INCENP: variants seen among roughly 807,000 people sequenced by gnomAD.
INCENP encodes inner centromere protein.
INCENP carries 43 observed loss-of-function variants against 107.3 expected under a neutral mutation model. The observed-to-expected ratio is 0.40, with a 90% CI of 0.31 to 0.52. The LOEUF (loss-of-function observed/expected upper bound fraction) is 0.52. INCENP is among the 20% of genes least tolerant of loss of function. The pLI is 0.53. For synonymous variants in INCENP, 488 were observed against 494.4 expected, an observed-to-expected ratio of 0.99 and a Z score of 0.17; for missense variants, 1,089 against 1,250.9, an observed-to-expected ratio of 0.87 and a Z score of 1.95.
chr11:62,148,852 A>T lies in INCENP; in HGVS notation c.2391+6A>T. On this transcript the variant is annotated splice_donor_region_variant and intron_variant, in intron 17 of 18. Coordinates refer to ENST00000394818, the MANE Select transcript of INCENP (RefSeq NM_001040694.2). ...ATGTGACTGTGGACGTGCAGGTGCC[A>T]CCTGGGCCCCAGTGGAGAGGCTCTC... The T allele has an allele frequency of 1.3e-6, 2 of 1,591,424 alleles. No homozygotes were observed. Among genetic ancestry groups the T allele is most frequent in the Non-Finnish European group, 1.7e-6 (2 of 1,166,166 alleles).
intron 3 of INCENP, among the ~76,000 whole-genome samples, chr11:62,129,205 C>CA (rs1324089029): frequency 2.6e-5 from 4 of 152,276 alleles, no homozygotes; most frequent in Non-Finnish European, 5.9e-5. Context: ...TGAGTGTGAC[C>CA]AGGGGTGTAG....
Position 62,140,257 on chromosome 11 carries a change from G to A in INCENP, c.1315G>A (p.Gly439Arg). 1 of 1,613,682 alleles carries A rather than the reference G, an allele frequency of 6.2e-7. No individual in the cohort carries two copies. Among genetic ancestry groups the A allele is most frequent in the Non-Finnish European group, 8.5e-7 (1 of 1,179,872 alleles). ...AGAGGCCAAGACGGACCAAGCAGAT[G>A]GACCCAGAGAGCCACCGCAGAGTGC... ...QQEAKTDQAD[G>R]PREPPQSARR... Residue 439 changes from glycine to arginine, a missense_variant, in exon 8 of 19, where the codon GGA becomes AGA. Coordinates refer to ENST00000394818, the MANE Select transcript of INCENP (RefSeq NM_001040694.2).
rs536991463 is a variant in INCENP, at chr11:62,146,732, G to A, written c.2034G>A (p.Ala678=). The change falls in exon 15 of 19, where the codon GCG becomes GCA. Residue 678 remains alanine (A), a synonymous_variant. Coordinates refer to ENST00000394818, the MANE Select transcript of INCENP (RefSeq NM_001040694.2). ...KEEEQERLRK[A]AEAKRLAEQR... ...AGGAGCAGGAGCGGCTGCGGAAGGC[G>A]GCCGAGGCTAAGCGGCTGGCAGAGC... is the stretch of plus-strand genomic sequence containing the variant. The A allele has an allele frequency of 3.0e-5, 46 of 1,550,276 alleles. No homozygotes were observed. In the East Asian group the frequency reaches 3.7e-4, roughly 12 times the overall value.
chr11:62,132,624 C>T (rs11230919), intron 4 of INCENP, among the ~76,000 whole-genome samples: 1 of 152,224 alleles, frequency 6.6e-6, no homozygotes, highest in Non-Finnish European at 1.5e-5. Context: ...GAGGGCCAGG[C>T]AGGGTTGCAG....
intron 11 of INCENP, 123 bp downstream of exon 11, chr11:62,141,634 T>C (rs1944125538): frequency 2.2e-6 from 3 of 1,335,844 alleles, no homozygotes; most frequent in Non-Finnish European, 1.1e-6. Context: ...AGGGGAGCCT[T>C]AGGAAGAGAG....
At chr11:62,144,519 A>G (rs1372048704) in intron 11 of INCENP, among the ~76,000 whole-genome samples, 1 of 152,224 alleles carries the variant, frequency 6.6e-6, no homozygotes, top group African/African-American at 2.4e-5. Context: ...TACATATAGT[A>G]TGGATATTAT....
At chr11:62,146,279 G>A (rs149698745) in intron 14 of INCENP, among the ~76,000 whole-genome samples, 47 of 152,310 alleles carry the variant, frequency 3.1e-4, no homozygotes, top group African/African-American at 1.1e-3. Flanking sequence ...TATTTACTGT[G>A]TGCTAGGCCC....
At chr11:62,141,535 G>A (rs764970594) in intron 11 of INCENP, 24 bp downstream of exon 11, 227 of 1,613,880 alleles carry the variant, frequency 1.4e-4, no homozygotes, top group Non-Finnish European at 2.5e-5. Context: ...TTTCCTGTCG[G>A]TAACCTCGCC....
rs533665820 is a variant in INCENP, at chr11:62,128,038, G to A, written c.-11-113G>A. ...TGTGAGCAGAGAGGGGCCCTGGTTC[G>A]GGCACTGGGTGTTTGTGGTGGTTGT... On this transcript the variant is annotated intron_variant, in intron 1 of 18. Transcript: ENST00000394818. 1.1e-4 allele frequency: 115 copies of A among 1,012,404 alleles called. No individual in the cohort carries two copies. In the African/African-American group the frequency reaches 1.5e-3, roughly 13 times the overall value. 62.7% of individuals were successfully genotyped at this position (1,012,404 alleles called of 1,614,324 possible). A position where few individuals can be genotyped will look rare whatever the true frequency, so the allele number is the denominator to read the frequency against.
rs1387747818 is a variant in INCENP, at chr11:62,146,563, T to C, written c.1960-95T>C. ...CTGGGTTGTCCGTGGTGGTGGCTGA[T>C]ATGAGGGGCACCTGGGCTTCGGGGG... On this transcript the variant is annotated intron_variant, in intron 14 of 18. Transcript: ENST00000394818. The C allele has an allele frequency of 2.7e-6, 4 of 1,505,252 alleles. No homozygotes were observed. The African/African-American group carries it at 5.6e-5, about 21-fold the overall frequency. 93.2% of individuals were successfully genotyped at this position (1,505,252 alleles called of 1,614,324 possible).
At chr11:62,128,050 T>G (rs1943793882) in intron 1 of INCENP, 101 bp from the exon 2 acceptor site, 4 of 1,189,696 alleles carry the variant, frequency 3.4e-6, no homozygotes, top group South Asian at 1.3e-5. Flanking sequence ...GCACTGGGTG[T>G]TTGTGGTGGT....
intron 4 of INCENP, among the ~76,000 whole-genome samples, chr11:62,134,354 A>G (rs1475357465): frequency 1.4e-5 from 2 of 148,080 alleles, no homozygotes; most frequent in East Asian, 4.1e-4. Flanking sequence ...TCGAGGCTGC[A>G]CTGAGCTGAG....
At chr11:62,128,388 G>A (rs900396021) in intron 2 of INCENP, 87 bp downstream of exon 2, 31 of 1,460,036 alleles carry the variant, frequency 2.1e-5, no homozygotes, top group Admixed American at 5.4e-5. Context: ...CCTCGTCCCC[G>A]CCTACCTGGC....
rs143979460 is a variant in INCENP at position 62,129,809 on chromosome 11, C to T, written c.282C>T (p.Ser94=). The change falls in exon 4 of 19, where the codon AGC becomes AGT. Residue 94 remains serine, a synonymous_variant. Transcript: ENST00000394818. The part of the protein sequence containing the change: ...RRLSRRKSRS[S]QLSSRRLRSK... ...TATCCCGCAGAAAGTCTCGGAGCAGCCAGCTGAGCTCCCGACGCCTCCGCA... is the reference window on the plus strand; with the variant it reads ...TATCCCGCAGAAAGTCTCGGAGCAGTCAGCTGAGCTCCCGACGCCTCCGCA... The T allele has an allele frequency of 4.2e-5, 67 of 1,608,862 alleles. No homozygotes were observed. The African/African-American group carries it at 7.6e-4, about 18-fold the overall frequency.
In INCENP at chr11:62,137,787, T is replaced by C. The variant is rs1434143854; in HGVS notation, c.1064-45T>C. 4.4e-6 allele frequency: 7 copies of C among 1,585,964 alleles called. No individual in the cohort carries two copies. The Admixed American group carries it at 1.0e-4, about 23-fold the overall frequency. ...CCTGGACCCCTTAGAGTGGGACCTGTGTGGTCTCTGATGAGATCTTTTGTG... is the reference window on the plus strand; with the variant it reads ...CCTGGACCCCTTAGAGTGGGACCTGCGTGGTCTCTGATGAGATCTTTTGTG... On this transcript the variant is annotated intron_variant, in intron 4 of 18. Coordinates refer to ENST00000394818, the MANE Select transcript of INCENP (RefSeq NM_001040694.2).
chr11:62,145,559 C>T, intron 13 of INCENP, 70 bp from the exon 14 acceptor site: 2 of 1,514,414 alleles, frequency 1.3e-6, no homozygotes, highest in Admixed American at 2.1e-5. Context: ...CTGTCACACA[C>T]AGTTCTGGGC....
In INCENP at chr11:62,130,405, C is replaced by T. The variant is rs781637766; in HGVS notation, c.878C>T (p.Pro293Leu). The T allele has an allele frequency of 4.3e-6, 7 of 1,613,454 alleles. No individual in the cohort carries two copies. The highest frequency in any genetic ancestry group is 5.9e-6 in the Non-Finnish European group (7 of 1,180,034). ...ATCCTGCCGGATAACTTCTCCACGC[C>T]CACGGGCTCTCGCACGGACTCTCAA... ...APILPDNFST[P>L]TGSRTDSQSV... Residue 293 changes from proline to leucine, a missense_variant, in exon 4 of 19, where the codon CCC (proline) becomes CTC (leucine). Pro to Leu is a moderately conservative substitution (Grantham distance 98). Transcript: ENST00000394818.
In INCENP at chr11:62,146,922, G is replaced by T; in HGVS notation, c.2204+20G>T. 1 of 1,597,816 alleles carries T rather than the reference G, an allele frequency of 6.3e-7. No individual in the cohort carries two copies. Among genetic ancestry groups the T allele is most frequent in the Non-Finnish European group, 8.5e-7 (1 of 1,178,318 alleles). Reference sequence around the variant, plus strand: ...CGAGAGGTGAGGGACCTGCTGGCCCGCCTGCCTGCCTTCCATGTGTGTGGA... The same window carrying T: ...CGAGAGGTGAGGGACCTGCTGGCCCTCCTGCCTGCCTTCCATGTGTGTGGA... On this transcript the variant is annotated intron_variant, in intron 15 of 18. Coordinates refer to ENST00000394818, the MANE Select transcript of INCENP (RefSeq NM_001040694.2).
Position 62,137,897 on chromosome 11 carries a change from C to T in INCENP, c.1115+14C>T, listed in dbSNP as rs1246195773. On this transcript the variant is annotated intron_variant, in intron 5 of 18. Transcript: ENST00000394818. Reference sequence around the variant, plus strand: ...CCAGAAAGTTGGGTGAGTTCAGTTCCAGGGCTTCGGAGGTAGGCAGGGCAT... The same window carrying T: ...CCAGAAAGTTGGGTGAGTTCAGTTCTAGGGCTTCGGAGGTAGGCAGGGCAT... 1 of 1,612,866 alleles carries T rather than the reference C, an allele frequency of 6.2e-7. No homozygotes were observed. Among genetic ancestry groups the T allele is most frequent in the Non-Finnish European group, 8.5e-7 (1 of 1,178,866 alleles).
Sources: gnomAD v4.1 joint callset for allele counts (sites outside exome capture counted in the v4.1 genomes callset) on GRCh38, gnomAD v4.1.1 for gene constraint, MANE v1.5 for transcripts, NCBI Gene and HGNC (gene_info 2026-07-23, HGNC 2026-07-21) for gene names.